The following PALS2 variants were observed in gnomAD, a reference collection of about 807,000 sequenced individuals.
The protein encoded by PALS2 is protein PALS2.
In PALS2, 27 loss-of-function variants were observed where a neutral mutation model predicts 61.6. The ratio of observed to expected loss-of-function variants is 0.44; its 90% CI spans 0.32 to 0.60. The LOEUF (loss-of-function observed/expected upper bound fraction) is 0.60, where lower values mean the gene tolerates loss of function less well. PALS2 is among the 20% of genes least tolerant of loss of function. The pLI is 0.05. For missense variants in PALS2, 554 were observed against 639.4 expected, an observed-to-expected ratio of 0.87 and a Z score of 1.44; for synonymous variants, 236 against 218.6, an observed-to-expected ratio of 1.08 and a Z score of -0.70.
chr7:24,591,918 C>T (rs1442378755), intron 1 of PALS2, among the ~76,000 whole-genome samples: 1 of 151,888 alleles, frequency 6.6e-6, no homozygotes, highest in Non-Finnish European at 1.5e-5. Context: ...TAAAGAAACA[C>T]TAGATAGCAC....
intron 1 of PALS2, among the ~76,000 whole-genome samples, chr7:24,583,007 G>A (rs948811203): frequency 2.8e-5 from 4 of 143,800 alleles, no homozygotes; most frequent in Non-Finnish European, 6.0e-5. Context: ...TGATTCTCCT[G>A]CCTCAGCTTC....
At position 24,618,887 on chromosome 7, in the gene PALS2, C is replaced by T. The variant is rs1784389615; in HGVS notation, c.-2-4779C>T. Reference sequence around the variant, plus strand: ...TTAGCTGTTTATTTATTGCCGTGGTCCTTTCTTGAAGCGGAGGAATGTGCA... The same window carrying T: ...TTAGCTGTTTATTTATTGCCGTGGTTCTTTCTTGAAGCGGAGGAATGTGCA... On this transcript the variant is annotated intron_variant, in intron 1 of 11. Transcript: ENST00000222644. The surrounding 1 kb of genome is among the most constrained non-coding windows in gnomAD (Gnocchi z 5.1). Among the ~76,000 whole-genome samples, 1 of 152,232 alleles carries T rather than the reference C, an allele frequency of 6.6e-6. No individual in the cohort carries two copies. The highest frequency in any genetic ancestry group is 1.5e-5 in the Non-Finnish European group (1 of 68,036).
Position 24,679,299 on chromosome 7 carries a change from C to T in PALS2, c.1283C>T (p.Thr428Ile). 1 of 1,614,046 alleles carries T rather than the reference C, an allele frequency of 6.2e-7. No homozygotes were observed. The change falls in exon 10 of 12, where the codon ACT becomes ATT. Residue 428 changes from threonine (T) to isoleucine (I), a missense_variant. Transcript: ENST00000222644. ...GATTCTATTCTTGAGGTTGTCCAAA[C>T]TGGACGGACTTGCATTCTGGATGTC... The part of the protein sequence containing the change: ...KIDSILEVVQ[T>I]GRTCILDVNP...
chr7:24,634,101 GTCTT>G (rs1221066846), intron 2 of PALS2, among the ~76,000 whole-genome samples: 1 of 151,976 alleles, frequency 6.6e-6, no homozygotes, highest in Non-Finnish European at 1.5e-5. Flanking sequence ...AGTTGTGAGA[GTCTT>G]TCATGTATTC....
At chr7:24,612,716 T>TA (rs1049146679) in intron 1 of PALS2, among the ~76,000 whole-genome samples, 1 of 151,908 alleles carries the variant, frequency 6.6e-6, no homozygotes, top group African/African-American at 2.4e-5. Context: ...CAAACTCTCA[T>TA]AAATAACTTT....
chr7:24,602,367 A>G (rs1277805401), intron 1 of PALS2, among the ~76,000 whole-genome samples: 1 of 152,122 alleles, frequency 6.6e-6, no homozygotes, highest in Non-Finnish European at 1.5e-5. Flanking sequence ...CCAGTATCCC[A>G]AGATTCTTAG....
chr7:24,582,909 T>G (rs372901488), intron 1 of PALS2, among the ~76,000 whole-genome samples: 3 of 145,438 alleles, frequency 2.1e-5, no homozygotes, highest in Non-Finnish European at 4.5e-5. Context: ...TTTTTTTTTT[T>G]GAGACAGAGT....
At chr7:24,605,026 G>A (rs1783848300) in intron 1 of PALS2, among the ~76,000 whole-genome samples, 2 of 152,128 alleles carry the variant, frequency 1.3e-5, no homozygotes, top group Admixed American at 1.3e-4. Flanking sequence ...CGGCCTTTGG[G>A]CAATTTTCAG....
intron 2 of PALS2, among the ~76,000 whole-genome samples, chr7:24,632,744 G>A (rs1311203343): frequency 1.3e-5 from 2 of 152,086 alleles, no homozygotes; most frequent in Non-Finnish European, 2.9e-5. Context: ...GATATAATTC[G>A]ATTAACGTCT....
intron 1 of PALS2, among the ~76,000 whole-genome samples, chr7:24,616,212 G>A (rs952812452): frequency 1.3e-5 from 2 of 151,892 alleles, no homozygotes; most frequent in Admixed American, 6.6e-5. Flanking sequence ...ACAGAAAGGA[G>A]AAAGAAATAA....
chr7:24,662,253 C>G (rs1368360330), intron 5 of PALS2, among the ~76,000 whole-genome samples: 1 of 152,050 alleles, frequency 6.6e-6, no homozygotes, highest in East Asian at 1.9e-4. Context: ...TTGTATGCAT[C>G]GATCACAATA....
chr7:24,649,886 G>C, intron 4 of PALS2, 122 bp downstream of exon 4: 2 of 971,034 alleles, frequency 2.1e-6, no homozygotes, highest in East Asian at 2.9e-5. Flanking sequence ...TTCTTGTTTG[G>C]CCTGTGTATA....
At chr7:24,621,791 G>A (rs756494925) in intron 1 of PALS2, among the ~76,000 whole-genome samples, 3 of 151,680 alleles carry the variant, frequency 2.0e-5, no homozygotes, top group Non-Finnish European at 3.0e-5. Flanking sequence ...TATTAAAAAC[G>A]ACTTCTGTAT....
chr7:24,611,263 C>T (rs1056771184), intron 1 of PALS2, among the ~76,000 whole-genome samples: 2 of 151,864 alleles, frequency 1.3e-5, no homozygotes, highest in African/African-American at 2.4e-5. Context: ...GAAGTATTAC[C>T]GTAAAAGCTT....
chr7:24,624,426 T>G (rs78640149), intron 2 of PALS2, among the ~76,000 whole-genome samples: 2,414 of 152,210 alleles, frequency 0.016, 71 homozygotes, highest in African/African-American at 0.055. Context: ...TTCTTTGATC[T>G]TTTCTTCATA....
intron 11 of PALS2, among the ~76,000 whole-genome samples, chr7:24,683,057 C>T (rs1231728541): frequency 6.6e-6 from 1 of 152,124 alleles, no homozygotes; most frequent in Non-Finnish European, 1.5e-5. Context: ...TCAGTGGGGT[C>T]AGAAGTTGTT....
intron 2 of PALS2, among the ~76,000 whole-genome samples, chr7:24,630,433 T>C (rs977478400): frequency 6.6e-6 from 1 of 152,120 alleles, no homozygotes; most frequent in Non-Finnish European, 1.5e-5. Flanking sequence ...TTTGTACTTA[T>C]GTAACAAACA....
At chr7:24,641,640 C>T (rs922739521) in intron 2 of PALS2, 76 bp from the exon 3 acceptor site, 109 of 1,295,322 alleles carry the variant, frequency 8.4e-5, no homozygotes, top group Non-Finnish European at 1.1e-4. Flanking sequence ...TAAAACTTTA[C>T]GAAAAAGAAA....
At chr7:24,661,810 T>A (rs1786734911) in intron 5 of PALS2, among the ~76,000 whole-genome samples, 1 of 152,208 alleles carries the variant, frequency 6.6e-6, no homozygotes, top group Admixed American at 6.5e-5. Context: ...AAAGTCTGGC[T>A]TTATTTATGC....
Sources: allele counts gnomAD v4.1 joint callset (sites outside exome capture counted in the v4.1 genomes callset), GRCh38; gene constraint gnomAD v4.1.1; non-coding constraint Gnocchi (gnomAD v3.1); transcripts MANE v1.5; gene names NCBI Gene and HGNC (gene_info 2026-07-23, HGNC 2026-07-21).